Variants in UBE3D observed in about 807,000 individuals in gnomAD.
UBE3D encodes the protein ubiquitin protein ligase E3D, also known as E3 ubiquitin-protein ligase E3D.
A neutral mutation model predicts 49.6 loss-of-function variants in UBE3D; 48 were observed. The ratio of observed to expected loss-of-function variants is 0.97; its 90% confidence interval spans 0.77 to 1.23. The LOEUF is 1.23. UBE3D is among the 50% of genes most tolerant of loss of function. The pLI is 0.00. For missense variants in UBE3D, 452 were observed against 468.4 expected (o/e 0.96, Z 0.32); for synonymous variants, 189 against 174.2 (o/e 1.08, Z -0.67).
intron 4 of UBE3D, among the ~76,000 whole-genome samples, chr6:83,043,592 G>A (rs1278713648): frequency 2.0e-5 from 3 of 152,018 alleles, no homozygotes; most frequent in Non-Finnish European, 4.4e-5. Context: ...CCTAAGAGCT[G>A]CCCACCTACT....
intron 8 of UBE3D, among the ~76,000 whole-genome samples, chr6:82,983,926 T>G (rs541884640): frequency 5.9e-5 from 9 of 152,104 alleles, no homozygotes; most frequent in African/African-American, 2.2e-4. Context: ...CTTAAGTTCA[T>G]TTTTTTTCCA....
intron 9 of UBE3D, among the ~76,000 whole-genome samples, chr6:82,900,632 T>G (rs978257620): frequency 3.3e-5 from 5 of 152,162 alleles, no homozygotes; most frequent in Non-Finnish European, 4.4e-5. Context: ...AAATAGCTTG[T>G]AAGGTTGCGA....
At chr6:83,057,000 C>A (rs953797820) in intron 2 of UBE3D, among the ~76,000 whole-genome samples, 11 of 152,110 alleles carry the variant, frequency 7.2e-5, no homozygotes, top group Admixed American at 3.3e-4. Flanking sequence ...CAATAAATAA[C>A]CCTGAGGTCT....
At chr6:82,976,418 C>G (rs940975281) in intron 8 of UBE3D, among the ~76,000 whole-genome samples, 1 of 152,196 alleles carries the variant, frequency 6.6e-6, no homozygotes, top group African/African-American at 2.4e-5. Flanking sequence ...GCTGCTCATG[C>G]TGAAGAGTTG....
intron 9 of UBE3D, among the ~76,000 whole-genome samples, chr6:82,911,390 T>C (rs1772515446): frequency 6.6e-6 from 1 of 152,110 alleles, no homozygotes; most frequent in Non-Finnish European, 1.5e-5. Context: ...AAAAGCTTCA[T>C]TACCAATATA....
chr6:82,938,950 G>A (rs1050461535), intron 9 of UBE3D, among the ~76,000 whole-genome samples: 4 of 152,024 alleles, frequency 2.6e-5, no homozygotes, highest in East Asian at 1.9e-4. Context: ...GGGAGGCTGA[G>A]GCAAGAGGAT....
At chr6:82,947,360 A>AC (rs1775480421) in intron 9 of UBE3D, among the ~76,000 whole-genome samples, 1 of 152,042 alleles carries the variant, frequency 6.6e-6, no homozygotes, top group African/African-American at 2.4e-5. Context: ...AGACTTCAAC[A>AC]CCCCACTTTC....
chr6:82,948,048 TGAA>T (rs1439399739), intron 9 of UBE3D, among the ~76,000 whole-genome samples: 1 of 151,572 alleles, frequency 6.6e-6, no homozygotes, highest in Non-Finnish European at 1.5e-5. Flanking sequence ...GAAATTGAAA[TGAA>T]GAAAACAATA....
At chr6:83,052,955 A>G (rs1783568659) in intron 3 of UBE3D, among the ~76,000 whole-genome samples, 1 of 152,236 alleles carries the variant, frequency 6.6e-6, no homozygotes, top group Non-Finnish European at 1.5e-5. Context: ...ACTGGGATGG[A>G]GGAAAGTGGA....
intron 8 of UBE3D, among the ~76,000 whole-genome samples, chr6:82,991,601 C>T (rs1376454567): frequency 6.6e-6 from 1 of 152,050 alleles, no homozygotes; most frequent in Non-Finnish European, 1.5e-5. Flanking sequence ...GCTCCCACAG[C>T]TTAAGTGTAA....
chr6:83,024,181 T>G (rs1297703858), intron 5 of UBE3D, 143 bp from the exon 6 acceptor site: 1 of 478,864 alleles, frequency 2.1e-6, no homozygotes, highest in East Asian at 3.6e-5. Flanking sequence ...TTCCCAAAAC[T>G]ACTTAGTTTC....
chr6:83,042,592 C>T (rs148234966), intron 4 of UBE3D, among the ~76,000 whole-genome samples: 2,679 of 152,306 alleles, frequency 0.018, 46 homozygotes, highest in Admixed American at 0.058. Context: ...CAAAGACAGA[C>T]ATTGTTGTGC....
chr6:82,936,006 T>C (rs1774544050), intron 9 of UBE3D, among the ~76,000 whole-genome samples: 1 of 151,752 alleles, frequency 6.6e-6, no homozygotes, highest in Non-Finnish European at 1.5e-5. Flanking sequence ...TGTTTTTAAG[T>C]GGAACCAGGA....
chr6:82,941,842 T>A (rs1387349418), intron 9 of UBE3D, among the ~76,000 whole-genome samples: 1 of 152,236 alleles, frequency 6.6e-6, no homozygotes, highest in Non-Finnish European at 1.5e-5. Context: ...ATTGTAAGTT[T>A]CCTGAGGCAT....
intron 5 of UBE3D, among the ~76,000 whole-genome samples, chr6:83,030,578 G>T (rs1461606554): frequency 6.6e-6 from 1 of 152,184 alleles, no homozygotes; most frequent in East Asian, 1.9e-4. Flanking sequence ...TTAGCAGCAT[G>T]AGAACGGACT....
intron 3 of UBE3D, among the ~76,000 whole-genome samples, chr6:83,052,667 A>G (rs569049830): frequency 2.6e-5 from 4 of 152,168 alleles, no homozygotes; most frequent in South Asian, 4.2e-4. Flanking sequence ...GGGAGGAGGA[A>G]TAGGTTGGGG....
At chr6:83,049,659 G>C in intron 3 of UBE3D, 2 of 373,552 alleles carry the variant, frequency 5.4e-6, no homozygotes, top group Non-Finnish European at 5.7e-6. Flanking sequence ...TTTCCCTCTA[G>C]GGTCTCAACG....
At chr6:82,975,956 A>G (rs1201649157) in intron 8 of UBE3D, among the ~76,000 whole-genome samples, 2 of 152,232 alleles carry the variant, frequency 1.3e-5, no homozygotes, top group African/African-American at 4.8e-5. Context: ...AGTAGGTATA[A>G]TATCTATTAT....
intron 8 of UBE3D, among the ~76,000 whole-genome samples, chr6:83,016,521 T>C (rs1407937395): frequency 6.6e-6 from 1 of 152,034 alleles, no homozygotes; most frequent in Non-Finnish European, 1.5e-5. Flanking sequence ...ATCCTTAATA[T>C]TCTGTTCCTC....
Sources: allele counts gnomAD v4.1 joint callset (sites outside exome capture counted in the v4.1 genomes callset), GRCh38; gene constraint gnomAD v4.1.1; transcripts MANE v1.5; gene names NCBI Gene and HGNC (gene_info 2026-07-23, HGNC 2026-07-21).